Variants in KCNT2 observed in about 807,000 individuals in gnomAD.
KCNT2 encodes the protein potassium sodium-activated channel subfamily T member 2.
In KCNT2, 67 loss-of-function variants were observed where a neutral mutation model predicts 153.8. That is an observed-to-expected ratio of 0.44 (90% confidence interval 0.36 to 0.53). The LOEUF (loss-of-function observed/expected upper bound fraction) is 0.53, where lower values mean the gene tolerates loss of function less well. KCNT2 is among the 20% of genes least tolerant of loss of function. The pLI, the probability that KCNT2 is intolerant of heterozygous loss-of-function variation, is 0.00. For synonymous variants in KCNT2, 500 were observed against 458.8 expected, an observed-to-expected ratio of 1.09 and a Z score of -1.15; for missense variants, 975 against 1,354.8, an observed-to-expected ratio of 0.72 and a Z score of 4.40.
intron 20 of KCNT2, among the ~76,000 whole-genome samples, chr1:196,316,680 T>A (rs1210853691): frequency 6.6e-6 from 1 of 151,594 alleles, no homozygotes; most frequent in Non-Finnish European, 1.5e-5. Context: ...AAGTAATTGC[T>A]AAAGTAGGAA....
intron 17 of KCNT2, among the ~76,000 whole-genome samples, chr1:196,333,094 G>T (rs1664648862): frequency 1.4e-5 from 2 of 141,740 alleles, no homozygotes; most frequent in South Asian, 2.3e-4. Context: ...CCAGCTGCAA[G>T]TTTTTTTTTT....
chr1:196,481,986 C>T (rs1172781058), intron 4 of KCNT2, among the ~76,000 whole-genome samples: 1 of 152,100 alleles, frequency 6.6e-6, no homozygotes, highest in Non-Finnish European at 1.5e-5. Flanking sequence ...AAAGCAAACA[C>T]AGTTATAGGC....
At chr1:196,575,163 A>T (rs1460107136) in intron 1 of KCNT2, among the ~76,000 whole-genome samples, 3 of 152,178 alleles carry the variant, frequency 2.0e-5, no homozygotes, top group African/African-American at 7.2e-5. Flanking sequence ...AATTTTCAAG[A>T]TCTATGATCT....
At chr1:196,546,599 A>C (rs1657133790) in intron 1 of KCNT2, among the ~76,000 whole-genome samples, 2 of 152,090 alleles carry the variant, frequency 1.3e-5, no homozygotes, top group Non-Finnish European at 2.9e-5. Flanking sequence ...CAAAAGCAAC[A>C]GTAGTATAAA....
At chr1:196,337,488 A>C (rs575624538) in intron 16 of KCNT2, among the ~76,000 whole-genome samples, 17 of 152,040 alleles carry the variant, frequency 1.1e-4, no homozygotes, top group Non-Finnish European at 2.2e-4. Flanking sequence ...TAGAAGCTGC[A>C]ATCCCATATG....
At chr1:196,399,538 T>G (rs1023923975) in intron 12 of KCNT2, among the ~76,000 whole-genome samples, 2 of 151,656 alleles carry the variant, frequency 1.3e-5, no homozygotes, top group Non-Finnish European at 2.9e-5. Context: ...GTATAGAAAT[T>G]TTTCACCATC....
chr1:196,541,885 A>G (rs1656426293), intron 1 of KCNT2, among the ~76,000 whole-genome samples: 2 of 152,080 alleles, frequency 1.3e-5, no homozygotes, highest in African/African-American at 4.8e-5. Flanking sequence ...CACCTATTCA[A>G]TTATTAAATA....
intron 14 of KCNT2, among the ~76,000 whole-genome samples, chr1:196,344,018 G>C (rs184741836): frequency 3.1e-4 from 47 of 152,250 alleles, no homozygotes; most frequent in African/African-American, 1.1e-3. Context: ...AACCTCAGGC[G>C]ATCCGCCCGC....
At chr1:196,499,971 C>T (rs1680541189) in intron 1 of KCNT2, among the ~76,000 whole-genome samples, 1 of 151,732 alleles carries the variant, frequency 6.6e-6, no homozygotes. Flanking sequence ...TGGTGAAACC[C>T]CATCTCTACT....
chr1:196,597,929 A>G (rs1363854296), intron 1 of KCNT2, among the ~76,000 whole-genome samples: 3 of 152,200 alleles, frequency 2.0e-5, no homozygotes, highest in South Asian at 2.1e-4. Context: ...ACATCCCTGC[A>G]TAGTGTTTTC....
chr1:196,259,941 T>A (rs1656854939), intron 25 of KCNT2, among the ~76,000 whole-genome samples: 1 of 151,930 alleles, frequency 6.6e-6, no homozygotes, highest in South Asian at 2.1e-4. Context: ...TCTCACCTAC[T>A]TGATAATGTA....
At chr1:196,317,225 T>C (rs1292038078) in intron 20 of KCNT2, 3 of 451,876 alleles carry the variant, frequency 6.6e-6, no homozygotes, top group Non-Finnish European at 1.3e-5. Flanking sequence ...AATATTTCGC[T>C]TGAATCAGGA....
At chr1:196,326,562 G>A (rs1663879982) in intron 19 of KCNT2, among the ~76,000 whole-genome samples, 155 bp downstream of exon 19, 1 of 151,930 alleles carries the variant, frequency 6.6e-6, no homozygotes, top group South Asian at 2.1e-4. Context: ...GATATATTTT[G>A]TATCACAGCA....
chr1:196,390,933 T>C (rs987138964), intron 13 of KCNT2, among the ~76,000 whole-genome samples: 1 of 147,818 alleles, frequency 6.8e-6, no homozygotes, highest in Non-Finnish European at 1.5e-5. Flanking sequence ...GTTAGGAGAC[T>C]CTTTTCAAAC....
intron 13 of KCNT2, among the ~76,000 whole-genome samples, 162 bp from the exon 14 acceptor site, chr1:196,373,410 C>T (rs1668696169): frequency 6.6e-6 from 1 of 151,748 alleles, no homozygotes; most frequent in Non-Finnish European, 1.5e-5. Flanking sequence ...AAATATATCT[C>T]CTAAGAAAGA....
At chr1:196,470,663 CA>C (rs1678011072) in intron 5 of KCNT2, among the ~76,000 whole-genome samples, 1 of 152,112 alleles carries the variant, frequency 6.6e-6, no homozygotes, top group African/African-American at 2.4e-5. Context: ...ATAACTGTGC[CA>C]GTCAGGCAAC....
chr1:196,357,314 A>G (rs967686987), intron 14 of KCNT2, among the ~76,000 whole-genome samples: 2 of 151,954 alleles, frequency 1.3e-5, no homozygotes, highest in African/African-American at 4.8e-5. Flanking sequence ...AGAATGTTCA[A>G]ATAATTTCTC....
rs1571713604 is a variant in KCNT2, at chr1:196,226,284, A to G, written c.*1940T>C. The G allele has an allele frequency of 6.6e-6, 1 of 152,034 alleles. No homozygotes were observed. The highest frequency in any genetic ancestry group is 1.5e-5 in the Non-Finnish European group (1 of 67,912). The allele number at this position is 152,034 out of a possible 1,614,324, so 9.4% of individuals were successfully genotyped here. ...AAAAGTCAACTTAAAGAAACATCAT[A>G]CTTGACTCTTGATATGCAAATATAA... On this transcript the variant is annotated 3_prime_UTR_variant, in exon 28 of 28. Coordinates refer to ENST00000294725, the MANE Select transcript of KCNT2 (RefSeq NM_198503.5).
chr1:196,267,131 A>T (rs1657619122), intron 25 of KCNT2, among the ~76,000 whole-genome samples: 1 of 152,242 alleles, frequency 6.6e-6, no homozygotes, highest in Non-Finnish European at 1.5e-5. Flanking sequence ...CTCTGCAGGC[A>T]GATCTTTACT....
Sources: gnomAD v4.1 joint callset for allele counts (sites outside exome capture counted in the v4.1 genomes callset) on GRCh38, gnomAD v4.1.1 for gene constraint, MANE v1.5 for transcripts, NCBI Gene and HGNC (gene_info 2026-07-23, HGNC 2026-07-21) for gene names.